Variants in MTAP observed in about 807,000 individuals in gnomAD.
The protein encoded by MTAP is methylthioadenosine phosphorylase.
In MTAP, 33 loss-of-function variants were observed where a neutral mutation model predicts 33.6. That is an observed-to-expected ratio of 0.98 (90% CI 0.74 to 1.31). The LOEUF (loss-of-function observed/expected upper bound fraction) is 1.31, where lower values mean the gene tolerates loss of function less well. MTAP is among the 40% of genes most tolerant of loss of function. The pLI is 0.00. For synonymous variants in MTAP, 148 were observed against 125.7 expected (o/e 1.18, Z -1.19); for missense variants, 367 against 360.0 (o/e 1.02, Z -0.16).
At chr9:21,892,543 AG>A (rs1217002370) in intron 1 of MTAP, 1 of 152,248 alleles carries the variant, frequency 6.6e-6, no homozygotes, top group African/African-American at 2.4e-5. Flanking sequence ...ATAATGATAA[AG>A]GGTTTAATTC....
chr9:21,854,473 G>C (rs1825588439), intron 5 of MTAP, among the ~76,000 whole-genome samples, 158 bp from the exon 6 acceptor site: 1 of 152,170 alleles, frequency 6.6e-6, no homozygotes, highest in South Asian at 2.1e-4. Flanking sequence ...CCCTTCTGTG[G>C]TCCTCTAGGT....
chr9:21,938,164 C>T (rs2131059193), downstream of MTAP, among the ~76,000 whole-genome samples: 1 of 151,834 alleles, frequency 6.6e-6, no homozygotes, highest in South Asian at 2.1e-4. Context: ...GTTCCAGTTA[C>T]TTGGGAGGCT....
intron 4 of MTAP, among the ~76,000 whole-genome samples, chr9:21,830,270 A>G (rs1378074223): frequency 6.6e-6 from 1 of 152,204 alleles, no homozygotes; most frequent in African/African-American, 2.4e-5. Flanking sequence ...TCCTTGCCAT[A>G]GGCCCTGGGC....
intron 4 of MTAP, among the ~76,000 whole-genome samples, chr9:21,831,404 G>A (rs1039744183): frequency 2.0e-5 from 3 of 151,982 alleles, no homozygotes; most frequent in East Asian, 3.9e-4. Flanking sequence ...TGGCCTGATC[G>A]CAGCTCACTG....
intron 4 of MTAP, among the ~76,000 whole-genome samples, chr9:21,825,790 A>G (rs1824780476): frequency 6.6e-6 from 1 of 152,204 alleles, no homozygotes; most frequent in Non-Finnish European, 1.5e-5. Context: ...AGAATGATTC[A>G]TGAATGCACC....
chr9:21,802,776 G>T lies in MTAP; in HGVS notation c.28G>T (p.Val10Leu), dbSNP rs778003799. 6.2e-7 allele frequency: 1 copy of T among 1,613,158 alleles called. No individual in the cohort carries two copies. Among genetic ancestry groups the T allele is most frequent in the Admixed American group, 1.7e-5 (1 of 59,984 alleles). ...GGCCTCTGGCACCACCACCACCGCC[G>T]TGAAGGTGAGATGAGCCCTCCCAGC... MASGTTTTA[V>L]KIGIIGGTGL... Residue 10 changes from valine (V) to leucine (L), a missense_variant, in exon 1 of 8, where the codon GTG becomes TTG. By Grantham distance (32) the Val-to-Leu change is conservative (BLOSUM62 1). Coordinates refer to ENST00000644715, the MANE Select transcript of MTAP (RefSeq NM_002451.4).
intron 5 of MTAP, among the ~76,000 whole-genome samples, chr9:21,854,042 G>A (rs1266153039): frequency 2.0e-5 from 3 of 152,170 alleles, no homozygotes; most frequent in Non-Finnish European, 4.4e-5. Context: ...GGAATTCCAA[G>A]ATGTTTATCC....
chr9:21,806,082 T>G (rs1188505236), intron 1 of MTAP, among the ~76,000 whole-genome samples: 2 of 152,180 alleles, frequency 1.3e-5, no homozygotes, highest in Admixed American at 6.5e-5. Context: ...TTTTGGAAAC[T>G]GTTGAAGGGT....
Position 21,928,093 on chromosome 9 carries a change from T to C in MTAP, c.148-2915T>C, listed in dbSNP as rs1004771610. ...TCCCCAGTGAACTGCCCTTCTCCAA[T>C]ACACTAAGGAAGAAATAGATTGGGC... On this transcript the variant is annotated intron_variant, in intron 1 of 1. Transcript: ENST00000577563. 2.0e-5 allele frequency among the ~76,000 whole-genome samples: 3 copies of C among 152,140 alleles called. No homozygotes were observed. The East Asian group carries it at 5.8e-4, about 29-fold the overall frequency.
At chr9:21,820,856 G>A (rs1824617635) in intron 4 of MTAP, among the ~76,000 whole-genome samples, 1 of 152,136 alleles carries the variant, frequency 6.6e-6, no homozygotes. Context: ...TTGTAAGTTG[G>A]ATTCCTAGGT....
At chr9:21,932,559 C>T (rs149945466), downstream of MTAP, 4 of 152,312 alleles carry the variant, frequency 2.6e-5, no homozygotes, top group African/African-American at 7.2e-5. Context: ...CCAACCACTC[C>T]TGTGGCCCCA....
chr9:21,915,102 C>A (rs562088118), intron 1 of MTAP, among the ~76,000 whole-genome samples: 1,562 of 119,428 alleles, frequency 0.013, 153 homozygotes, highest in African/African-American at 0.058. Context: ...TCTTTTCTTT[C>A]GGCAGAGTCT....
In MTAP at chr9:21,919,632, T is replaced by C. The variant is rs562206778; in HGVS notation, c.148-11376T>C. Among the ~76,000 whole-genome samples the C allele has an allele frequency of 5.9e-5, 9 of 152,332 alleles. No individual in the cohort carries two copies. The South Asian group carries it at 8.3e-4, about 14-fold the overall frequency. ...AGGAATGATTACTATCCTTTGATAATTGACTATGTGACCATAAGCATTTTA... is the reference window on the plus strand; with the variant it reads ...AGGAATGATTACTATCCTTTGATAACTGACTATGTGACCATAAGCATTTTA... On this transcript the variant is annotated intron_variant, in intron 1 of 1. Transcript: ENST00000577563.
At chr9:21,936,581 G>T (rs993724266) in exon 8 of MTAP, 2 of 151,970 alleles carry the variant, frequency 1.3e-5, no homozygotes, top group Admixed American at 1.3e-4. Context: ...TATTACAAAG[G>T]AACTAAATAT....
At chr9:21,930,171 T>G (rs1171094986) in intron 1 of MTAP, 5 of 362,126 alleles carry the variant, frequency 1.4e-5, no homozygotes, top group East Asian at 7.1e-5. Context: ...TCTCTTTTTT[T>G]GGGAAAATGA....
chr9:21,872,275 G>A lies in MTAP; in HGVS notation c.147+17405G>A, dbSNP rs150422396. Among the ~76,000 whole-genome samples, 493 of 152,258 alleles carry A rather than the reference G, an allele frequency of 3.2e-3. 2 individuals are homozygous for A. Among genetic ancestry groups the A allele is most frequent in the Non-Finnish European group, 5.4e-3 (364 of 68,020 alleles). On this transcript the variant is annotated intron_variant, in intron 1 of 1. Coordinates refer to the MTAP transcript ENST00000577563. ...GGAGGTTGCAGTGAGCCAAGATTGC[G>A]CCACTGCACTCCAGCCTGGGCAATA... is the stretch of plus-strand genomic sequence containing the variant.
rs569104044 is a variant in MTAP at position 21,804,206 on chromosome 9, G to A, written c.33+1425G>A. Among the ~76,000 whole-genome samples, 5 of 152,284 alleles carry A rather than the reference G, an allele frequency of 3.3e-5. No individual in the cohort carries two copies. In the East Asian group the frequency reaches 9.6e-4, roughly 29 times the overall value. On this transcript the variant is annotated intron_variant, in intron 1 of 7. Transcript: ENST00000644715. ...TATTAAGTGGTAGTGCTTATAAGTG[G>A]GGGAACTGAGATTAATTTTGAATGA...
chr9:21,865,523 G>T lies in MTAP; in HGVS notation c.*3509G>T. On this transcript the variant is annotated 3_prime_UTR_variant, in exon 8 of 8. Transcript: ENST00000644715. ...CTGGCTCAATGTATATATTGGCCCAGCAAGGCAAAGAACTGAAGTTCCAGG... is the reference window on the plus strand; with the variant it reads ...CTGGCTCAATGTATATATTGGCCCATCAAGGCAAAGAACTGAAGTTCCAGG... 1 of 985,582 alleles carries T rather than the reference G, an allele frequency of 1.0e-6. No individual in the cohort carries two copies. Among genetic ancestry groups the T allele is most frequent in the Non-Finnish European group, 1.2e-6 (1 of 829,964 alleles). The allele number at this position is 985,582 out of a possible 1,614,324, so 61.1% of individuals were successfully genotyped here. A position where few individuals can be genotyped will look rare whatever the true frequency, so the allele number is the denominator to read the frequency against.
intron 7 of MTAP, 153 bp downstream of exon 7, chr9:21,859,578 C>A: frequency 1.3e-6 from 1 of 742,980 alleles, no homozygotes; most frequent in Non-Finnish European, 2.0e-6. Context: ...ATACCAACCA[C>A]TTGTGAAACT....
Sources: gnomAD v4.1 joint callset for allele counts (sites outside exome capture counted in the v4.1 genomes callset) on GRCh38, gnomAD v4.1.1 for gene constraint, MANE v1.5 for transcripts, NCBI Gene and HGNC (gene_info 2026-07-23, HGNC 2026-07-21) for gene names.